Variants in KCNH7 observed in about 807,000 individuals in gnomAD.
KCNH7 encodes voltage-gated inwardly rectifying potassium channel KCNH7.
In KCNH7, 49 loss-of-function variants were observed where a neutral mutation model predicts 120.8. That is an observed-to-expected ratio of 0.41 (90% CI 0.32 to 0.51). KCNH7 has a LOEUF of 0.51. KCNH7 is among the 20% of genes least tolerant of loss of function. KCNH7 has a pLI of 0.38. For synonymous variants in KCNH7, 547 were observed against 516.1 expected, an observed-to-expected ratio of 1.06 and a Z score of -0.81; for missense variants, 1,097 against 1,446.6, an observed-to-expected ratio of 0.76 and a Z score of 3.92.
intron 2 of KCNH7, among the ~76,000 whole-genome samples, chr2:162,815,546 T>A (rs1483585869): frequency 6.6e-6 from 1 of 152,058 alleles, no homozygotes; most frequent in Non-Finnish European, 1.5e-5. Context: ...TAAAAGAAAG[T>A]GAGAAACAAT....
At chr2:162,689,598 T>C (rs1042688128) in intron 2 of KCNH7, among the ~76,000 whole-genome samples, 1 of 152,200 alleles carries the variant, frequency 6.6e-6, no homozygotes, top group South Asian at 2.1e-4. Flanking sequence ...TGCTTATTTT[T>C]TTCTGTGAAA....
chr2:162,424,071 T>C (rs901838891), intron 8 of KCNH7, among the ~76,000 whole-genome samples: 1 of 152,200 alleles, frequency 6.6e-6, no homozygotes, highest in African/African-American at 2.4e-5. Flanking sequence ...TGTTAAGGGA[T>C]AGCAAATTCT....
chr2:162,566,211 C>T (rs977445056), intron 2 of KCNH7, among the ~76,000 whole-genome samples: 26 of 152,158 alleles, frequency 1.7e-4, no homozygotes, highest in Non-Finnish European at 2.1e-4. Context: ...TGTGCTTCTC[C>T]TTTCCATCAT....
chr2:162,517,650 GT>G, intron 4 of KCNH7, 79 bp downstream of exon 4: 1 of 1,203,938 alleles, frequency 8.3e-7, no homozygotes. Flanking sequence ...AGAGATTATT[GT>G]TGAAATTTCA....
intron 2 of KCNH7, among the ~76,000 whole-genome samples, chr2:162,765,955 C>G (rs1035808442): frequency 2.0e-5 from 3 of 152,070 alleles, no homozygotes; most frequent in African/African-American, 7.2e-5. Context: ...TGGGGTCTCA[C>G]TATGTTGCCC....
chr2:162,713,122 C>G (rs1671620790), intron 2 of KCNH7, among the ~76,000 whole-genome samples: 1 of 152,088 alleles, frequency 6.6e-6, no homozygotes, highest in Non-Finnish European at 1.5e-5. Flanking sequence ...ACGGGGCTTC[C>G]CCAGGCTGGT....
chr2:162,488,213 C>G (rs1190406313), intron 6 of KCNH7, among the ~76,000 whole-genome samples: 1 of 152,226 alleles, frequency 6.6e-6, no homozygotes, highest in East Asian at 1.9e-4. Context: ...TTACCAGGTA[C>G]TCAAGCCAAG....
intron 2 of KCNH7, among the ~76,000 whole-genome samples, chr2:162,710,128 T>G (rs550451335): frequency 5.9e-5 from 9 of 152,216 alleles, no homozygotes; most frequent in Non-Finnish European, 1.3e-4. Context: ...TAAAATAGCT[T>G]TGCTCCATAT....
chr2:162,417,878 G>A (rs1687586711), intron 9 of KCNH7, among the ~76,000 whole-genome samples: 2 of 152,086 alleles, frequency 1.3e-5, no homozygotes, highest in South Asian at 2.1e-4. Flanking sequence ...GGCTCCAGAT[G>A]GTGTTTTCTT....
chr2:162,398,358 T>A (rs1686973817), intron 10 of KCNH7, among the ~76,000 whole-genome samples: 1 of 151,874 alleles, frequency 6.6e-6, no homozygotes, highest in African/African-American at 2.4e-5. Flanking sequence ...AATCAAACAC[T>A]GTATCTTAAC....
At chr2:162,824,695 A>T (rs1430783815) in intron 2 of KCNH7, among the ~76,000 whole-genome samples, 5 of 152,118 alleles carry the variant, frequency 3.3e-5, no homozygotes, top group African/African-American at 1.2e-4. Context: ...TTCCTCACGT[A>T]TCATATGTAA....
At chr2:162,479,230 T>G (rs954019946) in intron 6 of KCNH7, among the ~76,000 whole-genome samples, 1 of 151,512 alleles carries the variant, frequency 6.6e-6, no homozygotes, top group Admixed American at 6.6e-5. Context: ...TATTCATTGA[T>G]AAGTTGAATA....
chr2:162,678,741 A>C (rs1685610500), intron 2 of KCNH7, among the ~76,000 whole-genome samples: 1 of 151,550 alleles, frequency 6.6e-6, no homozygotes, highest in African/African-American at 2.4e-5. Flanking sequence ...TTTCCTGTTG[A>C]TCACAGCCCA....
At chr2:162,543,523 A>T (rs1175785249) in intron 2 of KCNH7, among the ~76,000 whole-genome samples, 1 of 152,126 alleles carries the variant, frequency 6.6e-6, no homozygotes, top group African/African-American at 2.4e-5. Context: ...CAGTATTGAC[A>T]ATGACTGAGA....
At chr2:162,716,720 G>C (rs1054471729) in intron 2 of KCNH7, among the ~76,000 whole-genome samples, 1 of 152,094 alleles carries the variant, frequency 6.6e-6, no homozygotes, top group Non-Finnish European at 1.5e-5. Flanking sequence ...AAGTTTATGT[G>C]AAGAAGGAGC....
At chr2:162,444,471 T>C (rs1408546098) in intron 7 of KCNH7, among the ~76,000 whole-genome samples, 1 of 152,094 alleles carries the variant, frequency 6.6e-6, no homozygotes, top group Non-Finnish European at 1.5e-5. Context: ...TAATTTCCTG[T>C]GGTTACTTCT....
intron 2 of KCNH7, among the ~76,000 whole-genome samples, chr2:162,681,853 T>G (rs2105313816): frequency 6.6e-6 from 1 of 151,562 alleles, no homozygotes; most frequent in African/African-American, 2.4e-5. Flanking sequence ...TTCTATTACT[T>G]AACTTTCCTA....
intron 5 of KCNH7, among the ~76,000 whole-genome samples, chr2:162,510,779 G>T (rs1298861774): frequency 6.6e-6 from 1 of 151,542 alleles, no homozygotes; most frequent in Non-Finnish European, 1.5e-5. Context: ...CACACTTGGG[G>T]GTTCCTGTAC....
chr2:162,750,975 T>G (rs1350141543), intron 2 of KCNH7, among the ~76,000 whole-genome samples: 1 of 152,164 alleles, frequency 6.6e-6, no homozygotes, highest in African/African-American at 2.4e-5. Context: ...CCCCTCTGAA[T>G]TTGCCAAGAC....
Sources: allele counts gnomAD v4.1 joint callset (sites outside exome capture counted in the v4.1 genomes callset), GRCh38; gene constraint gnomAD v4.1.1; transcripts MANE v1.5; gene names NCBI Gene and HGNC (gene_info 2026-07-23, HGNC 2026-07-21).